The following RNLS variants were observed in gnomAD, a reference collection of about 807,000 sequenced individuals.
RNLS encodes the protein renalase, FAD dependent amine oxidase.
Under a neutral mutation model 39.8 loss-of-function variants are expected in RNLS, and 39 were observed. The observed-to-expected ratio is 0.98, with a 90% CI of 0.76 to 1.28. RNLS has a LOEUF of 1.28. Among genes scored for constraint, RNLS ranks in the 50% most tolerant of loss-of-function variants. RNLS has a pLI of 0.00. For missense variants in RNLS, 410 were observed against 413.3 expected (o/e 0.99, Z 0.07); for synonymous variants, 147 against 150.7 (o/e 0.98, Z 0.18).
the RNLS span, among the ~76,000 whole-genome samples, chr10:88,236,934 G>A: frequency 5.3e-5 from 8 of 151,998 alleles, no homozygotes; most frequent in East Asian, 1.9e-4. Flanking sequence ...GGGCTACTTC[G>A]AAGTTCTAAA....
intron 4 of RNLS, among the ~76,000 whole-genome samples, chr10:88,507,848 C>T (rs1845880963): frequency 6.6e-6 from 1 of 152,082 alleles, no homozygotes; most frequent in Non-Finnish European, 1.5e-5. Context: ...TTATTACAGC[C>T]ACAAGCATGA....
rs530515278 is a variant in RNLS at position 88,364,843 on chromosome 10, G to GGGA, written c.527-2121_527-2119dup. On this transcript the variant is annotated intron_variant, in intron 4 of 6. Transcript: ENST00000331772. ...ATATTATAGTTACTGTTTTCTAAGAGGGAGGAGGTGAAACATTAATGCTAG... is the reference window on the plus strand; with the variant it reads ...ATATTATAGTTACTGTTTTCTAAGAGGGAGGAGGAGGTGAAACATTAATGCTAG... 7.9e-5 allele frequency among the ~76,000 whole-genome samples: 12 copies of GGGA among 152,180 alleles called. 1 individual carries two copies. In the South Asian group the frequency reaches 2.3e-3, roughly 29 times the overall value.
chr10:88,377,186 C>CTG lies in RNLS; in HGVS notation c.527-14463_527-14462dup, dbSNP rs369925695. ...AAGATAAGGTGTATTCTCCACATCT[C>CTG]TGTGTGTGTGTGTCGCATGCATGCA... On this transcript the variant is annotated intron_variant, in intron 4 of 6. Transcript: ENST00000331772. Among the ~76,000 whole-genome samples, 211 of 151,806 alleles carry CTG rather than the reference C, an allele frequency of 1.4e-3. 1 individual carries two copies. Among genetic ancestry groups the CTG allele is most frequent in the African/African-American group, 4.2e-3 (175 of 41,418 alleles).
chr10:88,462,263 T>C (rs1419918577), intron 4 of RNLS, among the ~76,000 whole-genome samples: 1 of 152,046 alleles, frequency 6.6e-6, no homozygotes, highest in Non-Finnish European at 1.5e-5. Context: ...CTGAGGCACA[T>C]GAGATATTTT....
At chr10:88,390,463 AT>A (rs1241208473) in intron 4 of RNLS, among the ~76,000 whole-genome samples, 1 of 152,214 alleles carries the variant, frequency 6.6e-6, no homozygotes, top group African/African-American at 2.4e-5. Context: ...TCTGCAAATT[AT>A]TTAGTATTAT....
chr10:88,288,729 G>C (rs939240456), intron 6 of RNLS, among the ~76,000 whole-genome samples: 35 of 152,172 alleles, frequency 2.3e-4, no homozygotes, highest in African/African-American at 7.5e-4. Context: ...AGATCACATG[G>C]CTGGAAAACT....
the RNLS span, among the ~76,000 whole-genome samples, chr10:88,234,109 C>T: frequency 1.4e-4 from 21 of 149,700 alleles, no homozygotes; most frequent in Middle Eastern, 3.4e-3. Flanking sequence ...AAGGATTAGC[C>T]GTGAATTCCA....
At chr10:88,480,933 A>G (rs1385626456) in intron 4 of RNLS, among the ~76,000 whole-genome samples, 4 of 152,060 alleles carry the variant, frequency 2.6e-5, no homozygotes, top group Non-Finnish European at 5.9e-5. Flanking sequence ...AAATTAATCA[A>G]TTCAGTTCCA....
chr10:88,375,822 T>A (rs771470494), intron 4 of RNLS, among the ~76,000 whole-genome samples: 1 of 152,042 alleles, frequency 6.6e-6, no homozygotes, highest in South Asian at 2.1e-4. Context: ...TTTAATAACA[T>A]GTATGCATGG....
At chr10:88,232,468 A>T in the RNLS span, among the ~76,000 whole-genome samples, 1 of 151,928 alleles carries the variant, frequency 6.6e-6, no homozygotes, top group African/African-American at 2.4e-5. Flanking sequence ...TTTTTTAGAG[A>T]CAGGATATCG....
At chr10:88,172,839 G>GTTTTTTT in the RNLS span, among the ~76,000 whole-genome samples, 18 of 31,508 alleles carry the variant, frequency 5.7e-4, no homozygotes, top group African/African-American at 8.3e-4. Context: ...TGCATTTTGA[G>GTTTTTTT]TTGTTTTTTT....
intron 4 of RNLS, among the ~76,000 whole-genome samples, chr10:88,410,996 G>T (rs1305538077): frequency 6.6e-6 from 1 of 152,094 alleles, no homozygotes; most frequent in Admixed American, 6.6e-5. Flanking sequence ...TCTCCTCTTG[G>T]TGCTGTTACA....
chr10:88,209,368 A>G, the RNLS span, among the ~76,000 whole-genome samples: 2 of 152,136 alleles, frequency 1.3e-5, no homozygotes, highest in East Asian at 3.9e-4. Flanking sequence ...AGAAGAGAAG[A>G]CGCACAGAGA....
At chr10:88,471,478 A>G (rs773125247) in intron 4 of RNLS, among the ~76,000 whole-genome samples, 6 of 152,012 alleles carry the variant, frequency 3.9e-5, no homozygotes, top group Non-Finnish European at 7.4e-5. Context: ...CCTTTTGGGG[A>G]AGGCAAAGTA....
downstream of RNLS, among the ~76,000 whole-genome samples, chr10:88,279,729 AG>A (rs553654823): frequency 7.2e-5 from 11 of 152,284 alleles, no homozygotes; most frequent in South Asian, 2.3e-3. Context: ...ATGGTTGCTA[AG>A]AAAAAAGACA....
chr10:88,317,200 A>G (rs1047378937), intron 5 of RNLS, among the ~76,000 whole-genome samples: 4 of 152,226 alleles, frequency 2.6e-5, no homozygotes, highest in Non-Finnish European at 4.4e-5. Context: ...GAGTCAGAAG[A>G]TAAGTATTTG....
chr10:88,251,796 A>G, the RNLS span, among the ~76,000 whole-genome samples: 30 of 152,322 alleles, frequency 2.0e-4, no homozygotes, highest in Admixed American at 3.3e-4. Flanking sequence ...GAAACCTCTG[A>G]GACCCCTTTG....
chr10:88,275,125 A>C lies in RNLS; in HGVS notation c.877-93T>G. On this transcript the variant is annotated intron_variant, in intron 6 of 6. Transcript: ENST00000371947. Reference sequence around the variant, plus strand: ...ACACTAATAGTGGTTCTTTGCTTTCACGGAACATATATAGACCTGGAATGG... The same window carrying C: ...ACACTAATAGTGGTTCTTTGCTTTCCCGGAACATATATAGACCTGGAATGG... 8 of 986,252 alleles carry C rather than the reference A, an allele frequency of 8.1e-6. No individual in the cohort carries two copies. The South Asian group carries it at 1.1e-4, about 13-fold the overall frequency. 61.1% of individuals were successfully genotyped at this position (986,252 alleles called of 1,614,324 possible). A position where few individuals can be genotyped will look rare whatever the true frequency, so the allele number is the denominator to read the frequency against.
At chr10:88,416,393 A>C (rs1854030117) in intron 4 of RNLS, among the ~76,000 whole-genome samples, 1 of 151,932 alleles carries the variant, frequency 6.6e-6, no homozygotes, top group South Asian at 2.1e-4. Context: ...AGCTGGGATT[A>C]CAGGCATGTG....
Sources: gnomAD v4.1 joint callset for allele counts (sites outside exome capture counted in the v4.1 genomes callset) on GRCh38, gnomAD v4.1.1 for gene constraint, MANE v1.5 for transcripts, NCBI Gene and HGNC (gene_info 2026-07-23, HGNC 2026-07-21) for gene names.